RPS6KB1: variants seen among roughly 807,000 people sequenced by gnomAD.
RPS6KB1 encodes the protein ribosomal protein S6 kinase B1.
A neutral mutation model predicts 70.2 loss-of-function variants in RPS6KB1; 12 were observed. That is an observed-to-expected ratio of 0.17 (90% confidence interval 0.11 to 0.28). The LOEUF (loss-of-function observed/expected upper bound fraction) is 0.28, where lower values mean the gene tolerates loss of function less well. Among genes scored for constraint, RPS6KB1 ranks in the 10% least tolerant of loss-of-function variants. The pLI is 1.00. For missense variants in RPS6KB1, 270 were observed against 646.6 expected, an observed-to-expected ratio of 0.42 and a Z score of 6.32; for synonymous variants, 175 against 211.2, an observed-to-expected ratio of 0.83 and a Z score of 1.49.
At chr17:59,920,936 T>G (rs948609818) in intron 4 of RPS6KB1, among the ~76,000 whole-genome samples, 1 of 152,168 alleles carries the variant, frequency 6.6e-6, no homozygotes, top group Non-Finnish European at 1.5e-5. Flanking sequence ...TGACCTCAAG[T>G]GACCGCCCAC....
At chr17:59,900,026 G>A (rs1273426089) in intron 1 of RPS6KB1, among the ~76,000 whole-genome samples, 1 of 151,820 alleles carries the variant, frequency 6.6e-6, no homozygotes, top group African/African-American at 2.4e-5. Flanking sequence ...ATAAATAGTG[G>A]GCATAGTAGC....
At chr17:59,917,150 GC>G (rs763713923) in intron 4 of RPS6KB1, among the ~76,000 whole-genome samples, 1 of 151,880 alleles carries the variant, frequency 6.6e-6, no homozygotes, top group African/African-American at 2.4e-5. Context: ...ATAGGGTCTC[GC>G]CCTGTCACCT....
intron 4 of RPS6KB1, among the ~76,000 whole-genome samples, chr17:59,922,040 AT>A (rs36071603): frequency 0.053 from 6,948 of 130,044 alleles, 362 homozygotes; most frequent in East Asian, 0.31. Context: ...GAATAAGGGC[AT>A]TTTTTTTTTT....
intron 4 of RPS6KB1, among the ~76,000 whole-genome samples, chr17:59,922,872 GT>G (rs780808367): frequency 2.4e-4 from 28 of 118,402 alleles, no homozygotes; most frequent in Middle Eastern, 5.0e-3. Flanking sequence ...AAATTTGTTT[GT>G]TTTTTTTTTT....
At position 59,926,599 on chromosome 17, in the gene RPS6KB1, T is replaced by G; in HGVS notation, c.529+17T>G. 6.4e-7 allele frequency: 1 copy of G among 1,573,702 alleles called. No individual in the cohort carries two copies. The highest frequency in any genetic ancestry group is 8.6e-7 in the Non-Finnish European group (1 of 1,157,072). ...ATCTCAGTGGTCAGTACACAGAGTT[T>G]GGTGTAATTATTTGCATTTGCTCCA... On this transcript the variant is annotated intron_variant, in intron 5 of 14. Transcript: ENST00000225577.
chr17:59,905,884 A>C (rs1016952613), intron 1 of RPS6KB1, among the ~76,000 whole-genome samples: 3 of 151,414 alleles, frequency 2.0e-5, no homozygotes, highest in South Asian at 2.1e-4. Flanking sequence ...TGGAACTCCC[A>C]GGCTTAGGTG....
chr17:59,894,868 A>G (rs1352038051), intron 1 of RPS6KB1, among the ~76,000 whole-genome samples: 3 of 151,414 alleles, frequency 2.0e-5, no homozygotes, highest in Non-Finnish European at 4.4e-5. Context: ...GCCTCCCAAA[A>G]TGCTGGGATT....
At chr17:59,935,852 C>T (rs2044198295) in intron 10 of RPS6KB1, among the ~76,000 whole-genome samples, 1 of 151,674 alleles carries the variant, frequency 6.6e-6, no homozygotes, top group Non-Finnish European at 1.5e-5. Flanking sequence ...CTCTGTCGTC[C>T]AGGCTGGAGT....
intron 1 of RPS6KB1, among the ~76,000 whole-genome samples, chr17:59,900,171 AACACACACACACACACACAC>A (rs759914423): frequency 0.015 from 1,510 of 102,486 alleles, 44 homozygotes; most frequent in African/African-American, 0.042. Flanking sequence ...CTAATTGCTA[AACACACACACACACACACAC>A]ACACACACAC....
chr17:59,914,730 C>A, intron 4 of RPS6KB1, 27 bp downstream of exon 4: 4 of 1,462,268 alleles, frequency 2.7e-6, no homozygotes, highest in South Asian at 2.3e-5. Flanking sequence ...CTTTTTAGTC[C>A]TCACACACCA....
chr17:59,922,843 C>CCTATA (rs2043356457), intron 4 of RPS6KB1, among the ~76,000 whole-genome samples: 1 of 150,764 alleles, frequency 6.6e-6, no homozygotes, highest in Non-Finnish European at 1.5e-5. Flanking sequence ...TGCGCCTGGC[C>CCTATA]CTATACTCTC....
intron 4 of RPS6KB1, among the ~76,000 whole-genome samples, chr17:59,916,751 A>G (rs1161204219): frequency 2.6e-5 from 4 of 152,110 alleles, no homozygotes; most frequent in Admixed American, 2.6e-4. Flanking sequence ...CCTGGATCCC[A>G]TATCTTCATT....
chr17:59,908,919 A>C lies in RPS6KB1; in HGVS notation c.142-1643A>C, dbSNP rs1345636954. Among the ~76,000 whole-genome samples, 32 of 130,720 alleles carry C rather than the reference A, an allele frequency of 2.4e-4. No homozygotes were observed. In the East Asian group the frequency reaches 6.7e-3, roughly 27 times the overall value. The allele number at this position is 130,720 out of a possible 152,430, so 85.8% of individuals were successfully genotyped here. The stretch of plus-strand genomic sequence containing the variant: ...AAGCGTGAGCCACCGCGCCCGGCCA[A>C]ATTTTTTTTTTTTTTTTTTTTTTTG... On this transcript the variant is annotated intron_variant, in intron 1 of 14. Transcript: ENST00000225577.
rs759504757 is a variant in RPS6KB1, at chr17:59,946,757, A to G, written c.1547A>G (p.Lys516Arg). Residue 516 changes from lysine to arginine, a missense_variant, in exon 15 of 15, where the codon AAA becomes AGA. Lys to Arg is a conservative substitution (Grantham distance 26). Transcript: ENST00000225577. The surrounding 1 kb of genome is among the most constrained non-coding windows in gnomAD (Gnocchi z 4.2). Reference sequence around the variant, plus strand: ...AAACAAGCTTTTCCCATGATCTCCAAACGGCCAGAGCACCTGCGTATGAAT... The same window carrying G: ...AAACAAGCTTTTCCCATGATCTCCAGACGGCCAGAGCACCTGCGTATGAAT... ...YKKQAFPMIS[K>R]RPEHLRMNL is the part of the protein sequence containing the mutation. 2.6e-5 allele frequency: 42 copies of G among 1,613,898 alleles called. No individual in the cohort carries two copies. Among genetic ancestry groups the G allele is most frequent in the Middle Eastern group, 1.7e-4 (1 of 6,060 alleles).
chr17:59,898,317 G>T (rs1276109965), intron 1 of RPS6KB1, among the ~76,000 whole-genome samples: 1 of 151,898 alleles, frequency 6.6e-6, no homozygotes, highest in Non-Finnish European at 1.5e-5. Flanking sequence ...TGAGTAAAAG[G>T]TTTAAAATTT....
intron 12 of RPS6KB1, among the ~76,000 whole-genome samples, chr17:59,936,850 T>G (rs1328843326): frequency 6.6e-6 from 1 of 152,186 alleles, no homozygotes; most frequent in African/African-American, 2.4e-5. Flanking sequence ...GTCTATCCTC[T>G]CCAGCATCTT....
chr17:59,915,557 C>G (rs146167301), intron 4 of RPS6KB1, among the ~76,000 whole-genome samples: 1 of 151,812 alleles, frequency 6.6e-6, no homozygotes, highest in Non-Finnish European at 1.5e-5. Flanking sequence ...CCTCTGTCTC[C>G]CAGGTTCAAG....
At chr17:59,941,859 CTTT>C (rs1197414948) in intron 13 of RPS6KB1, among the ~76,000 whole-genome samples, 2 of 117,046 alleles carry the variant, frequency 1.7e-5, no homozygotes, top group African/African-American at 3.3e-5. Context: ...GTCTCGATTT[CTTT>C]TTTTTTTTTT....
At position 59,893,173 on chromosome 17, in the gene RPS6KB1, G is replaced by A; in HGVS notation, c.-12G>A. ...CGGCAGCGGCTGTGGTGGCTGCGGCGGGTCCGGGCCCATGAGGCGACGAAG... is the reference window on the plus strand; with the variant it reads ...CGGCAGCGGCTGTGGTGGCTGCGGCAGGTCCGGGCCCATGAGGCGACGAAG... On this transcript the variant is annotated 5_prime_UTR_variant, in exon 1 of 15. Coordinates refer to ENST00000225577, the MANE Select transcript of RPS6KB1 (RefSeq NM_003161.4). This position sits in a 1 kb window ranked among gnomAD's most constrained non-coding sequence, Gnocchi z 4.1. 6.4e-7 allele frequency: 1 copy of A among 1,566,228 alleles called. No homozygotes were observed. Among genetic ancestry groups the A allele is most frequent in the Non-Finnish European group, 8.6e-7 (1 of 1,156,134 alleles).
Sources: allele counts gnomAD v4.1 joint callset (sites outside exome capture counted in the v4.1 genomes callset), GRCh38; gene constraint gnomAD v4.1.1; non-coding constraint Gnocchi (gnomAD v3.1); transcripts MANE v1.5; gene names NCBI Gene and HGNC (gene_info 2026-07-23, HGNC 2026-07-21).